Variants in TCF4 observed in about 807,000 individuals in gnomAD.
TCF4 encodes transcription factor 4, also known as SL3-3 enhancer factor 2.
TCF4 carries 3 observed loss-of-function variants against 82.1 expected under a neutral mutation model. The ratio of observed to expected loss-of-function variants is 0.04; its 90% confidence interval spans 0.02 to 0.09. The LOEUF (loss-of-function observed/expected upper bound fraction) is 0.09. Among genes scored for constraint, TCF4 ranks in the 10% least tolerant of loss-of-function variants. The probability of loss-of-function intolerance (pLI) is 1.00; values close to 1 mark genes in which losing one functional copy is unlikely to be tolerated. For synonymous variants in TCF4, 276 were observed against 309.6 expected, an observed-to-expected ratio of 0.89 and a Z score of 1.14; for missense variants, 518 against 852.7, an observed-to-expected ratio of 0.61 and a Z score of 4.89.
At chr18:55,291,621 T>C (rs1373501805) in intron 8 of TCF4, among the ~76,000 whole-genome samples, 1 of 152,138 alleles carries the variant, frequency 6.6e-6, no homozygotes, top group Non-Finnish European at 1.5e-5. Flanking sequence ...GTGGCACAGA[T>C]TGAAATGAAA....
At chr18:55,361,222 G>A (rs2085093057) in intron 6 of TCF4, among the ~76,000 whole-genome samples, 1 of 152,070 alleles carries the variant, frequency 6.6e-6, no homozygotes, top group African/African-American at 2.4e-5. Context: ...GTTCCTTCAA[G>A]GAGACCAAAC....
At chr18:55,621,705 TATATA>T (rs2097720179) in intron 2 of TCF4, among the ~76,000 whole-genome samples, 1 of 87,710 alleles carries the variant, frequency 1.1e-5, no homozygotes, top group Non-Finnish European at 2.0e-5. Flanking sequence ...TAATATATAT[TATATA>T]ATATATAATT....
chr18:55,496,951 T>C (rs913547669), intron 3 of TCF4, among the ~76,000 whole-genome samples: 3 of 148,750 alleles, frequency 2.0e-5, no homozygotes, highest in East Asian at 3.9e-4. Context: ...GAGGATACCA[T>C]TTCCAAGTTT....
At position 55,597,720 on chromosome 18, in the gene TCF4, G is replaced by T. The variant is rs530890527; in HGVS notation, c.287-10584C>A. 1.9e-4 allele frequency among the ~76,000 whole-genome samples: 28 copies of T among 151,306 alleles called. No individual in the cohort carries two copies. The South Asian group carries it at 5.9e-3, about 32-fold the overall frequency. ...AGTAAATAATATAGAAGGAATGAAA[G>T]AAATTTTGGAAAACAGATAATCTTT... On this transcript the variant is annotated intron_variant, in intron 2 of 20. Coordinates refer to the TCF4 transcript ENST00000398339.
upstream of TCF4, chr18:55,589,634 T>C (rs2097679839): frequency 9.6e-7 from 1 of 1,044,740 alleles, no homozygotes; most frequent in South Asian, 4.6e-5. Context: ...GGTGATTTTT[T>C]TTCTTCTCTC....
chr18:55,398,523 CA>C (rs2093627712), intron 6 of TCF4, among the ~76,000 whole-genome samples: 1 of 152,106 alleles, frequency 6.6e-6, no homozygotes, highest in South Asian at 2.1e-4. Context: ...TTCAACCCCC[CA>C]AAAAGTCAGA....
At chr18:55,308,353 C>A (rs1474078686) in intron 8 of TCF4, among the ~76,000 whole-genome samples, 3 of 152,108 alleles carry the variant, frequency 2.0e-5, no homozygotes, top group African/African-American at 7.2e-5. Context: ...TTCTAATGTA[C>A]CCATTACCCA....
At chr18:55,338,927 T>C (rs1324495457) in intron 8 of TCF4, among the ~76,000 whole-genome samples, 1 of 152,248 alleles carries the variant, frequency 6.6e-6, no homozygotes, top group African/African-American at 2.4e-5. Context: ...ACTCAATTTT[T>C]GTTGTGACCA....
At chr18:55,236,747 T>C (rs2049568019) in intron 15 of TCF4, among the ~76,000 whole-genome samples, 1 of 152,236 alleles carries the variant, frequency 6.6e-6, no homozygotes, top group African/African-American at 2.4e-5. Context: ...CTTGATCAAA[T>C]GGTGGCTCTT....
At chr18:55,405,432 G>A (rs1373132333) in intron 5 of TCF4, among the ~76,000 whole-genome samples, 4 of 152,160 alleles carry the variant, frequency 2.6e-5, no homozygotes, top group Non-Finnish European at 5.9e-5. Flanking sequence ...AACATCTAGT[G>A]TCCTGTTTTG....
intron 2 of TCF4, among the ~76,000 whole-genome samples, chr18:55,619,632 AG>A (rs1446784946): frequency 6.6e-6 from 1 of 152,238 alleles, no homozygotes; most frequent in Non-Finnish European, 1.5e-5. Flanking sequence ...AGTTTTAAAA[AG>A]TGCCTTAATG....
chr18:55,381,897 A>AT (rs2091960421), intron 6 of TCF4, among the ~76,000 whole-genome samples: 1 of 151,500 alleles, frequency 6.6e-6, no homozygotes, highest in South Asian at 2.1e-4. Context: ...AGGTATCAAC[A>AT]AACTCTAGAA....
chr18:55,430,087 A>C (rs2095139976), intron 5 of TCF4, among the ~76,000 whole-genome samples: 1 of 152,176 alleles, frequency 6.6e-6, no homozygotes. Context: ...TAATATTAGA[A>C]CATTCATCTC....
At chr18:55,442,405 G>A (rs1288790504) in intron 5 of TCF4, among the ~76,000 whole-genome samples, 5 of 152,128 alleles carry the variant, frequency 3.3e-5, no homozygotes, top group Non-Finnish European at 7.3e-5. Flanking sequence ...ATGAAAAGGG[G>A]AAGTAGGTTT....
chr18:55,543,083 C>T (rs370702282), intron 3 of TCF4, among the ~76,000 whole-genome samples: 1 of 151,982 alleles, frequency 6.6e-6, no homozygotes, highest in Admixed American at 6.6e-5. Flanking sequence ...TTGGACACAA[C>T]CATTCTAAAT....
intron 5 of TCF4, chr18:55,422,287 G>A: frequency 1.0e-6 from 1 of 985,300 alleles, no homozygotes; most frequent in Non-Finnish European, 1.2e-6. Context: ...AAACTGTTGT[G>A]GCGTGAATCT....
chr18:55,384,917 T>C (rs2092444691), intron 6 of TCF4, among the ~76,000 whole-genome samples: 1 of 152,126 alleles, frequency 6.6e-6, no homozygotes, highest in Non-Finnish European at 1.5e-5. Context: ...TCAGCTCAAA[T>C]ATACCCCTCT....
At chr18:55,613,100 A>T (rs545567568) in intron 2 of TCF4, among the ~76,000 whole-genome samples, 1 of 152,128 alleles carries the variant, frequency 6.6e-6, no homozygotes, top group East Asian at 1.9e-4. Context: ...GTTGAGGTGT[A>T]TAAGTGTCAA....
intron 3 of TCF4, among the ~76,000 whole-genome samples, chr18:55,553,899 A>G (rs2097281431): frequency 6.6e-6 from 1 of 152,200 alleles, no homozygotes; most frequent in South Asian, 2.1e-4. Context: ...AAGGTATGTA[A>G]AAGATGATAG....
Sources: gnomAD v4.1 joint callset for allele counts (sites outside exome capture counted in the v4.1 genomes callset) on GRCh38, gnomAD v4.1.1 for gene constraint, MANE v1.5 for transcripts, NCBI Gene and HGNC (gene_info 2026-07-23, HGNC 2026-07-21) for gene names.